CNTNAP2: variants seen among roughly 807,000 people sequenced by gnomAD.
CNTNAP2 encodes contactin associated protein 2, also known as contactin-associated protein-like 2.
A neutral mutation model predicts 155.2 loss-of-function variants in CNTNAP2; 98 were observed. The ratio of observed to expected loss-of-function variants is 0.63; its 90% CI spans 0.54 to 0.75. The LOEUF is 0.75. Among genes scored for constraint, CNTNAP2 ranks in the 30% least tolerant of loss-of-function variants. The pLI, the probability that CNTNAP2 is intolerant of heterozygous loss-of-function variation, is 0.00. For missense variants in CNTNAP2, 1,727 were observed against 1,688.1 expected (o/e 1.02, Z -0.40); for synonymous variants, 651 against 631.2 (o/e 1.03, Z -0.47).
intron 1 of CNTNAP2, among the ~76,000 whole-genome samples, chr7:146,724,335 A>G (rs1278567988): frequency 1.3e-5 from 2 of 152,020 alleles, no homozygotes; most frequent in African/African-American, 4.8e-5. Flanking sequence ...TTTTTTTCCC[A>G]AATCAGTGTA....
chr7:147,904,827 A>G (rs1003212685), intron 14 of CNTNAP2, among the ~76,000 whole-genome samples: 4 of 152,022 alleles, frequency 2.6e-5, no homozygotes, highest in African/African-American at 9.7e-5. Flanking sequence ...AGCTATCATT[A>G]ATCTTTAATT....
chr7:147,093,254 A>AG (rs1453373066), intron 4 of CNTNAP2, among the ~76,000 whole-genome samples: 1 of 150,638 alleles, frequency 6.6e-6, no homozygotes, highest in African/African-American at 2.4e-5. Flanking sequence ...AAAAAAAAAA[A>AG]AAAAAGAAAA....
intron 3 of CNTNAP2, among the ~76,000 whole-genome samples, chr7:146,866,808 T>C (rs2129206391): frequency 6.6e-6 from 1 of 152,252 alleles, no homozygotes; most frequent in Non-Finnish European, 1.5e-5. Context: ...TGCAATCAAT[T>C]ACAGTATACT....
At chr7:148,086,399 T>G (rs1006486466) in intron 15 of CNTNAP2, among the ~76,000 whole-genome samples, 2 of 152,216 alleles carry the variant, frequency 1.3e-5, no homozygotes, top group Non-Finnish European at 2.9e-5. Context: ...CTCCAACAAA[T>G]TAAATTTTCC....
intron 13 of CNTNAP2, among the ~76,000 whole-genome samples, chr7:147,704,069 C>A (rs1360195503): frequency 6.6e-6 from 1 of 152,124 alleles, no homozygotes; most frequent in Non-Finnish European, 1.5e-5. Flanking sequence ...ATTAGGTTGG[C>A]ACAGCAGTAA....
intron 6 of CNTNAP2, among the ~76,000 whole-genome samples, chr7:147,126,148 TA>T (rs1801229749): frequency 6.6e-6 from 1 of 152,220 alleles, no homozygotes; most frequent in South Asian, 2.1e-4. Flanking sequence ...TAATTTATTA[TA>T]TTGACTGGGG....
intron 10 of CNTNAP2, among the ~76,000 whole-genome samples, chr7:147,443,601 C>T (rs1200295209): frequency 2.6e-5 from 4 of 152,084 alleles, no homozygotes; most frequent in East Asian, 1.9e-4. Flanking sequence ...GGGGGATGAT[C>T]GGTAGAGGCT....
chr7:147,465,614 A>C (rs1424074784), intron 10 of CNTNAP2, among the ~76,000 whole-genome samples: 1 of 152,260 alleles, frequency 6.6e-6, no homozygotes, highest in African/African-American at 2.4e-5. Flanking sequence ...TGTATCACCA[A>C]TATTTCAGCA....
At chr7:147,807,116 A>G (rs1046972068) in intron 13 of CNTNAP2, among the ~76,000 whole-genome samples, 3 of 151,998 alleles carry the variant, frequency 2.0e-5, no homozygotes, top group Admixed American at 2.0e-4. Flanking sequence ...GTTTGAGACC[A>G]TAGTGGGCAC....
intron 16 of CNTNAP2, among the ~76,000 whole-genome samples, chr7:148,130,640 A>G (rs1006302929): frequency 3.3e-5 from 5 of 151,632 alleles, no homozygotes; most frequent in Non-Finnish European, 7.4e-5. Flanking sequence ...TTTTTCCCCT[A>G]CTCCATACAA....
intron 9 of CNTNAP2, among the ~76,000 whole-genome samples, chr7:147,390,193 C>T (rs1368089814): frequency 6.6e-6 from 1 of 152,132 alleles, no homozygotes; most frequent in Non-Finnish European, 1.5e-5. Flanking sequence ...TCATTGTTGA[C>T]TAAGGGAACT....
chr7:147,345,464 A>T (rs1795838304), intron 9 of CNTNAP2, among the ~76,000 whole-genome samples: 1 of 152,182 alleles, frequency 6.6e-6, no homozygotes. Flanking sequence ...GATCAAATAT[A>T]TGTCTTCGCA....
chr7:148,086,874 T>G (rs1408297091), intron 15 of CNTNAP2, among the ~76,000 whole-genome samples: 1 of 152,194 alleles, frequency 6.6e-6, no homozygotes, highest in Non-Finnish European at 1.5e-5. Flanking sequence ...TCAAATTGTT[T>G]TTTTTTATTT....
chr7:147,873,657 C>G (rs1246851959), intron 13 of CNTNAP2, among the ~76,000 whole-genome samples: 1 of 152,208 alleles, frequency 6.6e-6, no homozygotes, highest in East Asian at 1.9e-4. Flanking sequence ...TCATTCTGCC[C>G]CTGGCTCCTC....
At chr7:147,644,705 C>T (rs1361743287) in intron 13 of CNTNAP2, among the ~76,000 whole-genome samples, 1 of 152,132 alleles carries the variant, frequency 6.6e-6, no homozygotes, top group Non-Finnish European at 1.5e-5. Flanking sequence ...CTTGAGTAGT[C>T]TTAGTCAACA....
At position 146,216,052 on chromosome 7, in the gene CNTNAP2, C is replaced by T. The variant is rs116806039; in HGVS notation, c.97+99079C>T. ...ACAGGTGCCTCTAAGCTAGCTGCCA[C>T]GGGAAGGGAATGTAGATGAGTGTCC... On this transcript the variant is annotated intron_variant, in intron 1 of 23. Coordinates refer to ENST00000361727, the MANE Select transcript of CNTNAP2 (RefSeq NM_014141.6). Among the ~76,000 whole-genome samples, 1,409 of 152,186 alleles carry T rather than the reference C, an allele frequency of 9.3e-3. 27 individuals carry two copies. The highest frequency in any genetic ancestry group is 0.03 in the African/African-American group (1,252 of 41,526).
chr7:147,090,039 AAAT>A (rs1427524733), intron 4 of CNTNAP2, among the ~76,000 whole-genome samples: 2 of 152,274 alleles, frequency 1.3e-5, no homozygotes, highest in East Asian at 3.9e-4. Context: ...ACTGGGGAGA[AAAT>A]AAACCAGCTA....
chr7:146,947,402 CTCTCTCTCTATA>C (rs1241361553), intron 3 of CNTNAP2, among the ~76,000 whole-genome samples: 41 of 131,562 alleles, frequency 3.1e-4, no homozygotes, highest in African/African-American at 1.2e-3. Flanking sequence ...CTCTCTCTCT[CTCTCTCTCTATA>C]TATATATATA....
chr7:146,151,615 T>C (rs1457444497), intron 1 of CNTNAP2, among the ~76,000 whole-genome samples: 1 of 129,456 alleles, frequency 7.7e-6, no homozygotes, highest in Admixed American at 8.8e-5. Flanking sequence ...CCATCACTGA[T>C]GAATGGACAA....
Sources: gnomAD v4.1 joint callset for allele counts (sites outside exome capture counted in the v4.1 genomes callset) on GRCh38, gnomAD v4.1.1 for gene constraint, MANE v1.5 for transcripts, NCBI Gene and HGNC (gene_info 2026-07-23, HGNC 2026-07-21) for gene names.